ZFHX3: variants seen among roughly 807,000 people sequenced by gnomAD.
ZFHX3 encodes the protein zinc finger homeobox 3, also known as zinc finger homeobox protein 3.
In ZFHX3, 42 loss-of-function variants were observed where a neutral mutation model predicts 279.1. The observed-to-expected ratio is 0.15, with a 90% CI of 0.12 to 0.19. ZFHX3 has a LOEUF of 0.19. ZFHX3 is among the 10% of genes least tolerant of loss of function. ZFHX3 has a pLI of 1.00. For missense variants in ZFHX3, 4,981 were observed against 4,754.0 expected (o/e 1.05, Z -1.40); for synonymous variants, 2,293 against 1,957.8 (o/e 1.17, Z -4.52).
intron 2 of ZFHX3, among the ~76,000 whole-genome samples, chr16:72,957,112 A>G (rs1249872658): frequency 5.3e-5 from 8 of 152,150 alleles, no homozygotes; most frequent in African/African-American, 1.4e-4. Context: ...GATTATAGTG[A>G]TTTTTCAAAT....
intron 4 of ZFHX3, among the ~76,000 whole-genome samples, chr16:73,287,848 C>G (rs112743096): frequency 3.5e-5 from 5 of 142,384 alleles, no homozygotes; most frequent in African/African-American, 8.0e-5. Flanking sequence ...TGGTGAGTGG[C>G]TGTGTGGGTC....
chr16:73,588,774 T>C (rs1223487926), intron 2 of ZFHX3, among the ~76,000 whole-genome samples: 1 of 148,668 alleles, frequency 6.7e-6, no homozygotes, highest in Non-Finnish European at 1.5e-5. Context: ...CATGCAATCA[T>C]CAAAATTCAG....
chr16:73,755,890 G>C (rs559659963), intron 1 of ZFHX3, among the ~76,000 whole-genome samples: 1 of 152,358 alleles, frequency 6.6e-6, no homozygotes, highest in South Asian at 2.1e-4. Context: ...GGTGGAACTT[G>C]TCATCAGCGA....
At chr16:72,824,447 C>CA (rs2036883034) in intron 5 of ZFHX3, among the ~76,000 whole-genome samples, 1 of 152,176 alleles carries the variant, frequency 6.6e-6, no homozygotes, top group Non-Finnish European at 1.5e-5. Flanking sequence ...TGAAAACACT[C>CA]AAACTACCAT....
chr16:73,624,960 G>A (rs1466661446), intron 2 of ZFHX3, among the ~76,000 whole-genome samples: 2 of 152,182 alleles, frequency 1.3e-5, no homozygotes, highest in African/African-American at 2.4e-5. Flanking sequence ...ATGTATTGCT[G>A]ATGGTCCCAT....
chr16:73,500,613 C>G (rs924228879), intron 2 of ZFHX3, among the ~76,000 whole-genome samples: 2 of 145,332 alleles, frequency 1.4e-5, no homozygotes, highest in African/African-American at 5.2e-5. Context: ...AGGTGTGAGC[C>G]ACTGCACCCA....
intron 1 of ZFHX3, among the ~76,000 whole-genome samples, chr16:73,852,174 G>A (rs182451567): frequency 6.8e-4 from 104 of 152,310 alleles, no homozygotes; most frequent in African/African-American, 2.5e-3. Context: ...TAAGTCAAGG[G>A]ATAACTGCAG....
chr16:73,820,789 A>G (rs1397581774), intron 1 of ZFHX3, among the ~76,000 whole-genome samples: 8 of 151,860 alleles, frequency 5.3e-5, no homozygotes, highest in Non-Finnish European at 1.2e-4. Context: ...CTATGAAGCT[A>G]AAGACAAATG....
At chr16:73,478,051 T>C (rs952642336) in intron 2 of ZFHX3, among the ~76,000 whole-genome samples, 11 of 152,032 alleles carry the variant, frequency 7.2e-5, no homozygotes, top group Non-Finnish European at 1.6e-4. Context: ...GGCGGGCGGA[T>C]CACGAGGTCA....
chr16:73,267,511 T>C (rs2014010143), intron 4 of ZFHX3, among the ~76,000 whole-genome samples: 1 of 152,166 alleles, frequency 6.6e-6, no homozygotes, highest in South Asian at 2.1e-4. Flanking sequence ...AAATTGAACA[T>C]GTACCAAATC....
At chr16:73,692,431 G>A (rs2053158177) in intron 1 of ZFHX3, among the ~76,000 whole-genome samples, 1 of 152,106 alleles carries the variant, frequency 6.6e-6, no homozygotes, top group Non-Finnish European at 1.5e-5. Flanking sequence ...CAATGACACT[G>A]GGCTTCTATT....
At chr16:73,688,792 G>A (rs1301191905) in intron 1 of ZFHX3, among the ~76,000 whole-genome samples, 1 of 152,128 alleles carries the variant, frequency 6.6e-6, no homozygotes, top group Non-Finnish European at 1.5e-5. Flanking sequence ...TGAATCATGG[G>A]GGCGGGTCGT....
intron 6 of ZFHX3, 28 bp from the exon 7 acceptor site, chr16:72,811,805 G>A (rs781116128): frequency 1.2e-6 from 2 of 1,606,300 alleles, no homozygotes; most frequent in Admixed American, 1.7e-5. Flanking sequence ...ACTGCTTTGA[G>A]CAACTGTGTG....
At chr16:73,762,278 A>G (rs1471554169) in intron 1 of ZFHX3, among the ~76,000 whole-genome samples, 1 of 152,198 alleles carries the variant, frequency 6.6e-6, no homozygotes, top group Non-Finnish European at 1.5e-5. Context: ...CAAAACCGCA[A>G]TGAGATACCA....
At chr16:73,360,602 G>C (rs372957032) in intron 3 of ZFHX3, among the ~76,000 whole-genome samples, 17 of 152,340 alleles carry the variant, frequency 1.1e-4, no homozygotes, top group Middle Eastern at 3.4e-3. Context: ...GCCTACCAAA[G>C]TGCTGGGATT....
At chr16:73,550,204 A>C (rs2020182993) in intron 2 of ZFHX3, among the ~76,000 whole-genome samples, 1 of 152,162 alleles carries the variant, frequency 6.6e-6, no homozygotes, top group Non-Finnish European at 1.5e-5. Context: ...GTCATGACCC[A>C]GATGACGGCT....
At chr16:72,928,589 C>A (rs904290262) in intron 3 of ZFHX3, among the ~76,000 whole-genome samples, 1 of 152,172 alleles carries the variant, frequency 6.6e-6, no homozygotes, top group African/African-American at 2.4e-5. Context: ...TGACCCAAAC[C>A]AGATGCCTGT....
chr16:73,850,279 C>G (rs961863152), intron 1 of ZFHX3, among the ~76,000 whole-genome samples: 2 of 152,162 alleles, frequency 1.3e-5, no homozygotes, highest in Non-Finnish European at 2.9e-5. Flanking sequence ...GTTTCCTCAA[C>G]TACAAAAGAT....
chr16:73,424,598 G>A (rs2017776916), intron 3 of ZFHX3, among the ~76,000 whole-genome samples: 1 of 151,568 alleles, frequency 6.6e-6, no homozygotes, highest in East Asian at 1.9e-4. Flanking sequence ...TGAAAAATTG[G>A]TGAGGCATGG....
Sources: allele counts gnomAD v4.1 joint callset (sites outside exome capture counted in the v4.1 genomes callset), GRCh38; gene constraint gnomAD v4.1.1; transcripts MANE v1.5; gene names NCBI Gene and HGNC (gene_info 2026-07-23, HGNC 2026-07-21).